The following TBC1D5 variants were observed in gnomAD, a reference collection of about 807,000 sequenced individuals.
TBC1D5 encodes the protein TBC1 domain family member 5, also known as TBC1 domain family, member 5.
A neutral mutation model predicts 100.3 loss-of-function variants in TBC1D5; 75 were observed. The observed-to-expected ratio is 0.75, with a 90% CI of 0.62 to 0.91. The LOEUF is 0.91. Ranked by LOEUF, TBC1D5 falls within the 40% of genes least tolerant of loss-of-function variation. TBC1D5 has a pLI of 0.00. For synonymous variants in TBC1D5, 323 were observed against 325.6 expected, an observed-to-expected ratio of 0.99 and a Z score of 0.09; for missense variants, 910 against 942.4, an observed-to-expected ratio of 0.97 and a Z score of 0.45.
intron 8 of TBC1D5, among the ~76,000 whole-genome samples, chr3:17,394,952 A>T (rs2093459146): frequency 6.6e-6 from 1 of 152,126 alleles, no homozygotes; most frequent in Admixed American, 6.6e-5. Context: ...AAGTGAAAAA[A>T]AAAAGGAAGT....
intron 2 of TBC1D5, among the ~76,000 whole-genome samples, chr3:17,540,587 A>G (rs1476821339): frequency 6.6e-6 from 1 of 151,944 alleles, no homozygotes; most frequent in Non-Finnish European, 1.5e-5. Context: ...TCTTTTCTCC[A>G]CTGAATAGTC....
chr3:17,641,148 C>A (rs759928347), intron 1 of TBC1D5, among the ~76,000 whole-genome samples: 47 of 152,116 alleles, frequency 3.1e-4, no homozygotes, highest in African/African-American at 7.5e-4. Context: ...AATGTGCTTA[C>A]TGCTGAGGTA....
intron 13 of TBC1D5, among the ~76,000 whole-genome samples, chr3:17,337,824 T>C (rs981406634): frequency 1.3e-5 from 2 of 152,192 alleles, no homozygotes; most frequent in African/African-American, 4.8e-5. Context: ...TAGTTTGATT[T>C]TTTCCCACTG....
intron 19 of TBC1D5, among the ~76,000 whole-genome samples, chr3:17,174,888 A>G (rs1324393671): frequency 1.3e-5 from 2 of 152,180 alleles, no homozygotes; most frequent in Non-Finnish European, 2.9e-5. Flanking sequence ...CACCATGCCC[A>G]GCCAGAACTG....
intron 16 of TBC1D5, among the ~76,000 whole-genome samples, chr3:17,252,811 A>G (rs2077287442): frequency 6.6e-6 from 1 of 152,240 alleles, no homozygotes; most frequent in Non-Finnish European, 1.5e-5. Flanking sequence ...AACAGGCACC[A>G]CATCTATCTT....
At position 17,504,029 on chromosome 3, in the gene TBC1D5, A is replaced by G. The variant is rs114783722; in HGVS notation, c.97+4445T>C. Among the ~76,000 whole-genome samples, 1,309 of 149,350 alleles carry G rather than the reference A, an allele frequency of 8.8e-3. 126 individuals are homozygous for G. The highest frequency in any genetic ancestry group is 0.028 in the African/African-American group (1,093 of 39,254). On this transcript the variant is annotated intron_variant, in intron 3 of 21. Coordinates refer to ENST00000253692, the Ensembl canonical transcript of TBC1D5. ...AGAACAGAGGATAAAACAGGAGAGT[A>G]TATTAACTTTTGAAACCCTAAAAGG...
chr3:17,735,664 G>C (rs1009542431), intron 1 of TBC1D5, among the ~76,000 whole-genome samples: 8 of 152,186 alleles, frequency 5.3e-5, no homozygotes, highest in Admixed American at 3.9e-4. Flanking sequence ...AGCTCAATTA[G>C]GACGAACCCA....
intron 15 of TBC1D5, among the ~76,000 whole-genome samples, chr3:17,265,237 C>G (rs975697631): frequency 1.5e-5 from 2 of 134,572 alleles, no homozygotes; most frequent in Non-Finnish European, 3.2e-5. Context: ...ATGATAGTCA[C>G]AATTTTTACA....
intron 17 of TBC1D5, among the ~76,000 whole-genome samples, chr3:17,230,496 T>C (rs2075319124): frequency 6.6e-6 from 1 of 152,196 alleles, no homozygotes; most frequent in Non-Finnish European, 1.5e-5. Context: ...CTCCCATTTT[T>C]CATGTAGTAC....
At chr3:17,261,164 T>G (rs1352847575) in intron 15 of TBC1D5, among the ~76,000 whole-genome samples, 2 of 152,376 alleles carry the variant, frequency 1.3e-5, no homozygotes, top group South Asian at 2.1e-4. Context: ...CCAATTTACC[T>G]ATAATTCTTC....
rs9873827 is a variant in TBC1D5, at chr3:17,446,136, C to T, written c.98-17617G>A. On this transcript the variant is annotated intron_variant, in intron 3 of 21. Coordinates refer to ENST00000253692, the Ensembl canonical transcript of TBC1D5. ...GGCAGAAGGATGACTGCCCATCTCTCTTAGATATCCTTTCTTTAGGTTATT... is the reference window on the plus strand; with the variant it reads ...GGCAGAAGGATGACTGCCCATCTCTTTTAGATATCCTTTCTTTAGGTTATT... Among the ~76,000 whole-genome samples the T allele has an allele frequency of 9.5e-4, 143 of 150,834 alleles. 1 individual carries two copies. The highest frequency in any genetic ancestry group is 3.3e-3 in the African/African-American group (136 of 40,652).
At chr3:17,265,477 C>G (rs1048053780) in intron 15 of TBC1D5, among the ~76,000 whole-genome samples, 9 of 152,014 alleles carry the variant, frequency 5.9e-5, no homozygotes, top group African/African-American at 1.9e-4. Flanking sequence ...GAACGTTCCT[C>G]TTTGATGAAA....
At chr3:17,733,493 G>GT (rs912698568) in intron 1 of TBC1D5, among the ~76,000 whole-genome samples, 4 of 151,974 alleles carry the variant, frequency 2.6e-5, no homozygotes, top group Non-Finnish European at 5.9e-5. Context: ...TAATCACTTG[G>GT]GGGGGGTGGA....
intron 2 of TBC1D5, among the ~76,000 whole-genome samples, chr3:17,621,218 T>G (rs983369028): frequency 6.6e-6 from 1 of 152,206 alleles, no homozygotes; most frequent in Non-Finnish European, 1.5e-5. Flanking sequence ...CATGTATGTT[T>G]TTCAATATGC....
At chr3:17,634,095 G>A (rs892949782) in intron 1 of TBC1D5, among the ~76,000 whole-genome samples, 5 of 152,164 alleles carry the variant, frequency 3.3e-5, no homozygotes, top group Non-Finnish European at 7.3e-5. Flanking sequence ...AGGATGTGGA[G>A]AAAGGAAGCC....
At chr3:17,662,382 G>GT (rs893341885) in intron 1 of TBC1D5, among the ~76,000 whole-genome samples, 1 of 152,208 alleles carries the variant, frequency 6.6e-6, no homozygotes, top group Non-Finnish European at 1.5e-5. Context: ...AGAGGAGGAG[G>GT]TTACCTGGAA....
intron 1 of TBC1D5, among the ~76,000 whole-genome samples, chr3:17,654,862 G>T (rs371344038): frequency 0.015 from 2,282 of 149,990 alleles, 38 homozygotes; most frequent in Non-Finnish European, 0.02. Flanking sequence ...TATTCAGAGA[G>T]TCAACTTCTT....
intron 18 of TBC1D5, among the ~76,000 whole-genome samples, chr3:17,186,193 T>C (rs2069042153): frequency 6.6e-6 from 1 of 152,130 alleles, no homozygotes; most frequent in East Asian, 1.9e-4. Flanking sequence ...ATAAGAATCC[T>C]CTGTATCACT....
intron 18 of TBC1D5, among the ~76,000 whole-genome samples, chr3:17,190,967 AT>A: frequency 6.6e-6 from 1 of 152,348 alleles, no homozygotes; most frequent in South Asian, 2.1e-4. Flanking sequence ...AAGGCCACGG[AT>A]GTTCGGAGGA....
Sources: gnomAD v4.1 joint callset for allele counts (sites outside exome capture counted in the v4.1 genomes callset) on GRCh38, gnomAD v4.1.1 for gene constraint, MANE v1.5 for transcripts, NCBI Gene and HGNC (gene_info 2026-07-23, HGNC 2026-07-21) for gene names.